The following NCALD variants were observed in gnomAD, a reference collection of about 807,000 sequenced individuals.
The protein encoded by NCALD is neurocalcin-delta.
Under a neutral mutation model 18.6 loss-of-function variants are expected in NCALD, and 10 were observed. The observed-to-expected ratio is 0.54, with a 90% CI of 0.33 to 0.91. The LOEUF (loss-of-function observed/expected upper bound fraction) is 0.91. NCALD is among the 40% of genes least tolerant of loss of function. The probability of loss-of-function intolerance (pLI) is 0.03; values close to 1 mark genes in which losing one functional copy is unlikely to be tolerated. For missense variants in NCALD, 184 were observed against 247.6 expected (o/e 0.74, Z 1.72); for synonymous variants, 88 against 87.4 (o/e 1.01, Z -0.04).
chr8:102,024,256 A>G (rs2132113167), intron 1 of NCALD, among the ~76,000 whole-genome samples: 1 of 152,334 alleles, frequency 6.6e-6, no homozygotes, highest in South Asian at 2.1e-4. Context: ...AACACACACA[A>G]AAAAGCCTGT....
At chr8:101,862,079 A>T (rs1003711014) in intron 4 of NCALD, among the ~76,000 whole-genome samples, 5 of 152,250 alleles carry the variant, frequency 3.3e-5, no homozygotes, top group African/African-American at 1.2e-4. Context: ...AGACTGTTGC[A>T]TTCCATGATA....
chr8:101,930,074 T>C (rs1246429225), intron 2 of NCALD, among the ~76,000 whole-genome samples: 1 of 151,904 alleles, frequency 6.6e-6, no homozygotes, highest in Non-Finnish European at 1.5e-5. Context: ...AAAACAAAAA[T>C]ATATAAAAAT....
intron 1 of NCALD, among the ~76,000 whole-genome samples, chr8:102,095,310 C>T (rs532540439): frequency 2.6e-5 from 4 of 152,246 alleles, no homozygotes; most frequent in African/African-American, 9.6e-5. Flanking sequence ...TGCTAAAGAA[C>T]TGAGCTGGGC....
At chr8:101,882,935 A>G (rs897808963) in intron 4 of NCALD, among the ~76,000 whole-genome samples, 1 of 152,256 alleles carries the variant, frequency 6.6e-6, no homozygotes, top group Non-Finnish European at 1.5e-5. Context: ...ATATGAAATA[A>G]CAACTTTTGA....
chr8:101,909,063 C>G (rs1386394335), intron 3 of NCALD, among the ~76,000 whole-genome samples: 1 of 152,114 alleles, frequency 6.6e-6, no homozygotes, highest in Non-Finnish European at 1.5e-5. Flanking sequence ...GGAAAGTGAT[C>G]TTTTTCAAGG....
intron 1 of NCALD, among the ~76,000 whole-genome samples, chr8:102,034,630 T>C (rs1822797543): frequency 6.6e-6 from 1 of 152,190 alleles, no homozygotes; most frequent in African/African-American, 2.4e-5. Flanking sequence ...TAGCAGGAAA[T>C]TGTAAGACCG....
In NCALD at chr8:101,892,627, A is replaced by C. The variant is rs1000188680; in HGVS notation, c.-106-5400T>G. ...TTGAACACTTTGAAAAAAATATAGA[A>C]GAATGTATAACTAGAATAACCAATA... On this transcript the variant is annotated intron_variant, in intron 3 of 6. Coordinates refer to the NCALD transcript ENST00000311028. 1.6e-4 allele frequency among the ~76,000 whole-genome samples: 24 copies of C among 149,786 alleles called. 1 individual carries two copies. Among genetic ancestry groups the C allele is most frequent in the African/African-American group, 5.6e-4 (22 of 39,476 alleles).
intron 1 of NCALD, among the ~76,000 whole-genome samples, chr8:102,116,514 G>A (rs1047704873): frequency 1.6e-4 from 24 of 152,038 alleles, no homozygotes; most frequent in African/African-American, 2.4e-5. Context: ...ACAAGGTATC[G>A]CTCTGTCACC....
chr8:101,698,305 C>G (rs917407488), intron 2 of NCALD, among the ~76,000 whole-genome samples: 1 of 152,154 alleles, frequency 6.6e-6, no homozygotes, highest in African/African-American at 2.4e-5. Flanking sequence ...AATGGAGAAA[C>G]ACTCCATCCT....
At chr8:101,865,067 A>T (rs1815712940) in intron 4 of NCALD, among the ~76,000 whole-genome samples, 1 of 152,200 alleles carries the variant, frequency 6.6e-6, no homozygotes, top group Non-Finnish European at 1.5e-5. Context: ...ACAAGAAGTA[A>T]GGGGGTTCTA....
intron 3 of NCALD, chr8:101,691,550 T>C: frequency 1.0e-6 from 1 of 985,374 alleles, no homozygotes. Flanking sequence ...TGTGCTCCCT[T>C]GAGTACCAGT....
At chr8:102,016,274 G>A (rs1822081431) in intron 2 of NCALD, among the ~76,000 whole-genome samples, 1 of 152,090 alleles carries the variant, frequency 6.6e-6, no homozygotes, top group Non-Finnish European at 1.5e-5. Flanking sequence ...CAAGGCAAAG[G>A]TTGGCTGCCT....
At chr8:101,692,354 C>A in intron 3 of NCALD, 1 of 985,400 alleles carries the variant, frequency 1.0e-6, no homozygotes, top group Non-Finnish European at 1.2e-6. Context: ...GAGACCCCAA[C>A]AAAACCCCTT....
intron 4 of NCALD, among the ~76,000 whole-genome samples, chr8:101,880,265 G>T (rs1419534342): frequency 1.3e-5 from 2 of 152,286 alleles, no homozygotes; most frequent in African/African-American, 4.8e-5. Flanking sequence ...ACTGCCCGGG[G>T]CCAGCAGCAC....
At chr8:101,721,591 G>A (rs1283509672) in intron 1 of NCALD, among the ~76,000 whole-genome samples, 1 of 152,102 alleles carries the variant, frequency 6.6e-6, no homozygotes, top group Non-Finnish European at 1.5e-5. Flanking sequence ...CTGTCTGGTG[G>A]CCTCACTAAA....
intron 2 of NCALD, among the ~76,000 whole-genome samples, chr8:101,919,128 T>C (rs1025745055): frequency 4.6e-5 from 7 of 152,182 alleles, no homozygotes; most frequent in African/African-American, 1.7e-4. Flanking sequence ...GACTTCAAAC[T>C]ATACTATATG....
chr8:101,910,206 C>T (rs562493399), intron 3 of NCALD, among the ~76,000 whole-genome samples: 87 of 152,166 alleles, frequency 5.7e-4, no homozygotes, highest in African/African-American at 2.0e-3. Context: ...GGTTCTAGGA[C>T]AGGTGTGGAA....
intron 1 of NCALD, among the ~76,000 whole-genome samples, chr8:101,722,926 T>C (rs1299698007): frequency 2.0e-5 from 3 of 152,220 alleles, no homozygotes; most frequent in African/African-American, 7.2e-5. Context: ...AGGACTAAAC[T>C]TGAGACACCA....
chr8:101,806,612 G>A (rs1436754287), intron 4 of NCALD, among the ~76,000 whole-genome samples: 1 of 151,980 alleles, frequency 6.6e-6, no homozygotes, highest in Admixed American at 6.6e-5. Flanking sequence ...TTAAATGGGT[G>A]GAAAAAAGAA....
Sources: gnomAD v4.1 joint callset for allele counts (sites outside exome capture counted in the v4.1 genomes callset) on GRCh38, gnomAD v4.1.1 for gene constraint, MANE v1.5 for transcripts, NCBI Gene and HGNC (gene_info 2026-07-23, HGNC 2026-07-21) for gene names.